Variants in NFIB observed in about 807,000 individuals in gnomAD.
The protein encoded by NFIB is nuclear factor 1 B-type.
In NFIB, 11 loss-of-function variants were observed where a neutral mutation model predicts 61.5. The ratio of observed to expected loss-of-function variants is 0.18; its 90% confidence interval spans 0.11 to 0.30. The LOEUF is 0.30. NFIB is among the 10% of genes least tolerant of loss of function. The pLI, the probability that NFIB is intolerant of heterozygous loss-of-function variation, is 1.00. For synonymous variants in NFIB, 260 were observed against 216.5 expected (o/e 1.20, Z -1.76); for missense variants, 471 against 608.9 (o/e 0.77, Z 2.38).
chr9:14,245,490 A>C (rs1395144111), intron 2 of NFIB, among the ~76,000 whole-genome samples: 1 of 152,172 alleles, frequency 6.6e-6, no homozygotes, highest in Non-Finnish European at 1.5e-5. Flanking sequence ...GGCAACAAAA[A>C]AAATGCAACC....
chr9:14,240,946 T>C (rs761903697), intron 2 of NFIB, among the ~76,000 whole-genome samples: 1 of 152,228 alleles, frequency 6.6e-6, no homozygotes, highest in Non-Finnish European at 1.5e-5. Context: ...AACTAAACTG[T>C]ATCCTCAAAG....
At chr9:14,359,175 G>A (rs1020373369) in intron 1 of NFIB, among the ~76,000 whole-genome samples, 1 of 152,170 alleles carries the variant, frequency 6.6e-6, no homozygotes, top group Non-Finnish European at 1.5e-5. Flanking sequence ...AGCTGTAGTG[G>A]GTTGAATGGT....
chr9:14,250,451 C>T (rs62532761), intron 2 of NFIB, among the ~76,000 whole-genome samples: 4,993 of 152,250 alleles, frequency 0.033, 132 homozygotes, highest in Middle Eastern at 0.085. Context: ...ATTTCCAAAA[C>T]TTCAGCTTTT....
At chr9:14,236,655 T>C (rs949307285) in intron 2 of NFIB, among the ~76,000 whole-genome samples, 1 of 152,182 alleles carries the variant, frequency 6.6e-6, no homozygotes, top group African/African-American at 2.4e-5. Context: ...AGAGAATTTT[T>C]TGGATTCTAT....
At chr9:14,184,222 G>C (rs1382333847) in intron 2 of NFIB, among the ~76,000 whole-genome samples, 2 of 152,126 alleles carry the variant, frequency 1.3e-5, no homozygotes, top group African/African-American at 2.4e-5. Flanking sequence ...TCTCTATATG[G>C]ACAGCCTATT....
intron 2 of NFIB, among the ~76,000 whole-genome samples, chr9:14,249,516 T>G (rs1367343920): frequency 6.6e-6 from 1 of 152,152 alleles, no homozygotes; most frequent in Admixed American, 6.5e-5. Flanking sequence ...TAGGCTAAAG[T>G]GCATTTTTGT....
intron 2 of NFIB, among the ~76,000 whole-genome samples, chr9:14,237,842 A>AGTGTGT (rs200054648): frequency 0.071 from 3,741 of 52,512 alleles, 830 homozygotes; most frequent in Middle Eastern, 0.11. Context: ...TAGGTATAAC[A>AGTGTGT]GTGTGTGTGT....
chr9:14,186,492 G>GT (rs1407256462), intron 2 of NFIB, among the ~76,000 whole-genome samples: 1 of 152,048 alleles, frequency 6.6e-6, no homozygotes, highest in Non-Finnish European at 1.5e-5. Context: ...GAAACAAGAC[G>GT]TAACAGGTAA....
chr9:14,484,545 G>A, the NFIB span, among the ~76,000 whole-genome samples: 6 of 152,074 alleles, frequency 3.9e-5, no homozygotes, highest in Non-Finnish European at 7.4e-5. Flanking sequence ...ATTTATAAAT[G>A]CATCAGAGAA....
At chr9:14,383,530 G>C (rs1414752553) in intron 1 of NFIB, among the ~76,000 whole-genome samples, 1 of 152,140 alleles carries the variant, frequency 6.6e-6, no homozygotes, top group Non-Finnish European at 1.5e-5. Context: ...AGAGAAACAT[G>C]GTCCAGTGGT....
chr9:14,443,456 C>T, the NFIB span, among the ~76,000 whole-genome samples: 1 of 152,326 alleles, frequency 6.6e-6, no homozygotes, highest in African/African-American at 2.4e-5. Context: ...ACCTGCCCTT[C>T]TTCTTCCACA....
chr9:14,369,707 G>T (rs1051638627), intron 1 of NFIB, among the ~76,000 whole-genome samples: 1 of 152,104 alleles, frequency 6.6e-6, no homozygotes, highest in Non-Finnish European at 1.5e-5. Flanking sequence ...TAGTCACCAC[G>T]TTTTATTGTT....
At chr9:14,217,521 G>T (rs1198704982) in intron 2 of NFIB, among the ~76,000 whole-genome samples, 1 of 151,972 alleles carries the variant, frequency 6.6e-6, no homozygotes, top group Admixed American at 6.6e-5. Context: ...TTGGCTGGGC[G>T]TGGTGGCGCA....
intron 6 of NFIB, among the ~76,000 whole-genome samples, chr9:14,136,543 G>C (rs2041066763): frequency 6.6e-6 from 1 of 152,120 alleles, no homozygotes; most frequent in Non-Finnish European, 1.5e-5. Flanking sequence ...AGAACATTTG[G>C]GGAAAAGCCA....
At chr9:14,154,835 T>A (rs2043219209) in intron 4 of NFIB, among the ~76,000 whole-genome samples, 1 of 152,204 alleles carries the variant, frequency 6.6e-6, no homozygotes, top group African/African-American at 2.4e-5. Context: ...AGTGATAGCG[T>A]GAAGATTCCT....
At chr9:14,440,133 G>A in the NFIB span, among the ~76,000 whole-genome samples, 2 of 152,168 alleles carry the variant, frequency 1.3e-5, no homozygotes, top group African/African-American at 2.4e-5. Flanking sequence ...AAATGGCTGA[G>A]CCCTCACATG....
chr9:14,103,345 G>T (rs543948899), intron 10 of NFIB, among the ~76,000 whole-genome samples: 3 of 148,854 alleles, frequency 2.0e-5, no homozygotes, highest in South Asian at 2.3e-4. Flanking sequence ...TCTGGGTTGG[G>T]GGGGGGGAAA....
intron 5 of NFIB, among the ~76,000 whole-genome samples, chr9:14,149,233 A>G (rs1486279788): frequency 6.6e-6 from 1 of 152,216 alleles, no homozygotes; most frequent in Non-Finnish European, 1.5e-5. Context: ...ATCTTAGTTT[A>G]TAAACATACA....
At chr9:14,323,112 ATGTTCCTGGCTGCGCAGCG>A (rs1470489403) in intron 1 of NFIB, among the ~76,000 whole-genome samples, 2 of 152,244 alleles carry the variant, frequency 1.3e-5, no homozygotes, top group African/African-American at 4.8e-5. Context: ...GACTCCCGAA[ATGTTCCTGGCTGCGCAGCG>A]TTATCATTAA....
Sources: allele counts gnomAD v4.1 joint callset (sites outside exome capture counted in the v4.1 genomes callset), GRCh38; gene constraint gnomAD v4.1.1; transcripts MANE v1.5; gene names NCBI Gene and HGNC (gene_info 2026-07-23, HGNC 2026-07-21).